Variants in PDE12 observed in about 807,000 individuals in gnomAD.
PDE12 encodes 2',5'-phosphodiesterase 12.
Under a neutral mutation model 45.4 loss-of-function variants are expected in PDE12, and 26 were observed. The ratio of observed to expected loss-of-function variants is 0.57; its 90% confidence interval spans 0.42 to 0.79. The LOEUF (loss-of-function observed/expected upper bound fraction) is 0.79, where lower values mean the gene tolerates loss of function less well. Ranked by LOEUF, PDE12 falls within the 30% of genes least tolerant of loss-of-function variation. The pLI, the probability that PDE12 is intolerant of heterozygous loss-of-function variation, is 0.00. For synonymous variants in PDE12, 283 were observed against 323.9 expected (o/e 0.87, Z 1.36); for missense variants, 668 against 790.0 (o/e 0.85, Z 1.85).
the PDE12 span, chr3:57,626,402 T>A: frequency 2.6e-5 from 4 of 152,196 alleles, no homozygotes; most frequent in Non-Finnish European, 5.9e-5. Flanking sequence ...CTGTGTCATG[T>A]GTGCCTATTT....
chr3:57,556,691 C>T lies in PDE12; in HGVS notation c.312C>T (p.Gly104=), dbSNP rs1242135591. ...GGAAGAGCCGGCCGAATGCTAGCGG[C>T]GGTGCGGCCTGTTCAGGGCCGGGGC... ...KSRKSRPNAS[G]GAACSGPGPE... The change falls in exon 1 of 3, where the codon GGC becomes GGT. Residue 104 remains glycine, a synonymous_variant. Transcript: ENST00000311180. The surrounding 1 kb of genome is among the most constrained non-coding windows in gnomAD (Gnocchi z 5.0). 5 of 1,594,856 alleles carry T rather than the reference C, an allele frequency of 3.1e-6. No homozygotes were observed. Among genetic ancestry groups the T allele is most frequent in the South Asian group, 1.1e-5 (1 of 89,578 alleles).
At chr3:57,636,032 A>C in the PDE12 span, among the ~76,000 whole-genome samples, 1 of 152,216 alleles carries the variant, frequency 6.6e-6, no homozygotes, top group Admixed American at 6.5e-5. Context: ...CTTTATTATA[A>C]GGATACAATA....
the PDE12 span, among the ~76,000 whole-genome samples, chr3:57,643,813 C>T: frequency 1.1e-4 from 16 of 145,514 alleles, no homozygotes; most frequent in South Asian, 1.1e-3. Context: ...GGCAACAGAG[C>T]GAGACTCTGT....
In PDE12 at chr3:57,562,031, C is replaced by A; in HGVS notation, c.*2027C>A. On this transcript the variant is annotated 3_prime_UTR_variant, in exon 3 of 3. Transcript: ENST00000311180. The stretch of plus-strand genomic sequence containing the variant: ...CAAATATGTAAATAATAGATTAAAA[C>A]CAAATCTTGATTCTCTTGTGAATTT... The A allele has an allele frequency of 2.0e-6, 2 of 980,274 alleles. No homozygotes were observed. Among genetic ancestry groups the A allele is most frequent in the Non-Finnish European group, 2.4e-6 (2 of 825,402 alleles). The allele number at this position is 980,274 out of a possible 1,614,324, so 60.7% of individuals were successfully genotyped here.
At chr3:57,577,357 G>A in the PDE12 span, 1 of 1,613,344 alleles carries the variant, frequency 6.2e-7, no homozygotes, top group East Asian at 2.2e-5. Context: ...ATTCTTTCAC[G>A]ATCGTTGCTA....
chr3:57,633,358 A>G, the PDE12 span: 7 of 1,607,860 alleles, frequency 4.4e-6, no homozygotes, highest in Non-Finnish European at 6.0e-6. Context: ...GTACACCCTT[A>G]AAAGAGGAAA....
chr3:57,640,898 A>T, the PDE12 span, among the ~76,000 whole-genome samples: 1 of 152,030 alleles, frequency 6.6e-6, no homozygotes, highest in Non-Finnish European at 1.5e-5. Context: ...CTCAGAATTC[A>T]TATACTTAAA....
chr3:57,556,300 C>A lies in PDE12; in HGVS notation c.-80C>A. ...CGAGATCTGAATGAGTCAAAGCCGG[C>A]GGCCTCGGCTCCTCAGCTCCACCTG... On this transcript the variant is annotated 5_prime_UTR_variant, in exon 1 of 3. Transcript: ENST00000311180. The surrounding 1 kb of genome is among the most constrained non-coding windows in gnomAD (Gnocchi z 5.0). 7.2e-7 allele frequency: 1 copy of A among 1,390,848 alleles called. No homozygotes were observed. The highest frequency in any genetic ancestry group is 9.5e-7 in the Non-Finnish European group (1 of 1,047,664). The allele number at this position is 1,390,848 out of a possible 1,614,324, so 86.2% of individuals were successfully genotyped here. A position where few individuals can be genotyped will look rare whatever the true frequency, so the allele number is the denominator to read the frequency against.
Position 57,556,469 on chromosome 3 carries a change from A to T in PDE12, c.90A>T (p.Thr30=), listed in dbSNP as rs1215888362. Residue 30 remains threonine (T), a synonymous_variant, in exon 1 of 3, where the codon ACA becomes ACT. Transcript: ENST00000311180. The surrounding 1 kb of genome is among the most constrained non-coding windows in gnomAD (Gnocchi z 5.0). ...GCCGGGCTGAAGCGGGGAGCCAGACAGCGGCGGGAGCGATGGAGCGCGCTG... is the reference window on the plus strand; with the variant it reads ...GCCGGGCTGAAGCGGGGAGCCAGACTGCGGCGGGAGCGATGGAGCGCGCTG... The part of the protein sequence containing the change: ...KLSRAEAGSQ[T]AAGAMERAVV... The T allele has an allele frequency of 6.2e-7, 1 of 1,611,438 alleles. No homozygotes were observed. Among genetic ancestry groups the T allele is most frequent in the Non-Finnish European group, 8.5e-7 (1 of 1,178,894 alleles).
chr3:57,643,555 C>T, the PDE12 span, among the ~76,000 whole-genome samples: 13 of 151,932 alleles, frequency 8.6e-5, no homozygotes, highest in East Asian at 1.9e-4. Flanking sequence ...GGGCCAGGCA[C>T]GGTGGCTCAC....
chr3:57,653,472 G>A, the PDE12 span, among the ~76,000 whole-genome samples: 1 of 152,130 alleles, frequency 6.6e-6, no homozygotes, highest in Non-Finnish European at 1.5e-5. Context: ...TAGGCCGGGC[G>A]CGGTGGCTCA....
At chr3:57,646,604 T>A in the PDE12 span, among the ~76,000 whole-genome samples, 1 of 152,244 alleles carries the variant, frequency 6.6e-6, no homozygotes, top group Admixed American at 6.5e-5. Flanking sequence ...TATAGAGACA[T>A]AAGTCCCTTT....
the PDE12 span, among the ~76,000 whole-genome samples, chr3:57,587,402 A>G: frequency 2.0e-5 from 3 of 151,732 alleles, no homozygotes; most frequent in Non-Finnish European, 2.9e-5. Context: ...AATCATGACT[A>G]TATCATTTTA....
chr3:57,611,955 G>A, the PDE12 span, among the ~76,000 whole-genome samples: 4 of 151,906 alleles, frequency 2.6e-5, no homozygotes, highest in Non-Finnish European at 2.9e-5. Flanking sequence ...TGTTTATCGC[G>A]GCACTATTCA....
At chr3:57,616,338 GGAA>G in the PDE12 span, among the ~76,000 whole-genome samples, 11 of 151,450 alleles carry the variant, frequency 7.3e-5, no homozygotes, top group East Asian at 9.7e-4. Flanking sequence ...AAAAGAAGAA[GGAA>G]GAAGAAGAAA....
the PDE12 span, among the ~76,000 whole-genome samples, chr3:57,652,997 A>G: frequency 6.6e-6 from 1 of 152,244 alleles, no homozygotes; most frequent in African/African-American, 2.4e-5. Flanking sequence ...AGATGATATT[A>G]ACTTATCAAT....
chr3:57,635,700 C>A, the PDE12 span, among the ~76,000 whole-genome samples: 1 of 152,128 alleles, frequency 6.6e-6, no homozygotes, highest in African/African-American at 2.4e-5. Context: ...TTTTCCTTTG[C>A]AATCTTATAT....
chr3:57,614,421 C>T, the PDE12 span, among the ~76,000 whole-genome samples: 581 of 151,652 alleles, frequency 3.8e-3, 2 homozygotes, highest in African/African-American at 0.013. Flanking sequence ...GGGGATATCT[C>T]CAAGTATTTG....
chr3:57,556,959 C>G lies in PDE12; in HGVS notation c.580C>G (p.Leu194Val). ...CGAATTTGGGGATCCCGCCAGCTCC[C>G]TTTTCCGCTGGTATAAGGAAGCCAA... ...SLEFGDPASSLFRWYKEAKPG... is the reference protein window; with the variant it reads ...SLEFGDPASSVFRWYKEAKPG... The change falls in exon 1 of 3, where the codon CTT becomes GTT. Residue 194 changes from leucine to valine, a missense_variant. Around this residue, in one of 3 missense-constraint regions of PDE12, gnomAD observed 580 missense variants for 662.9 expected, o/e 0.87. Transcript: ENST00000311180. This position sits in a 1 kb window ranked among gnomAD's most constrained non-coding sequence, Gnocchi z 5.0. The G allele has an allele frequency of 1.2e-6, 2 of 1,614,222 alleles. No homozygotes were observed. The highest frequency in any genetic ancestry group is 1.7e-6 in the Non-Finnish European group (2 of 1,180,048).
Sources: allele counts gnomAD v4.1 joint callset (sites outside exome capture counted in the v4.1 genomes callset), GRCh38; gene constraint gnomAD v4.1.1; regional missense constraint gnomAD v4.1.1; non-coding constraint Gnocchi (gnomAD v3.1); transcripts MANE v1.5; gene names NCBI Gene and HGNC (gene_info 2026-07-23, HGNC 2026-07-21).